Variants in CLCN5 observed in about 807,000 individuals in gnomAD.
The protein encoded by CLCN5 is H(+)/Cl(-) exchange transporter 5.
A neutral mutation model predicts 54.0 loss-of-function variants in CLCN5; 17 were observed. The observed-to-expected ratio is 0.31, with a 90% confidence interval of 0.22 to 0.47. The LOEUF (loss-of-function observed/expected upper bound fraction) is 0.47. CLCN5 is among the 20% of genes least tolerant of loss of function. CLCN5 has a pLI of 1.00. For synonymous variants in CLCN5, 222 were observed against 233.0 expected (o/e 0.95, Z 0.43); for missense variants, 448 against 646.7 (o/e 0.69, Z 3.33).
intron 9 of CLCN5, among the ~76,000 whole-genome samples, chrX:50,084,367 G>T (rs895580313): frequency 3.4e-4 from 37 of 110,199 alleles, no homozygotes; most frequent in African/African-American, 8.3e-4. Context: ...ATTTGAATTG[G>T]TTTTTTTTGT....
At chrX:50,067,104 C>G (rs1291254457) in intron 4 of CLCN5, among the ~76,000 whole-genome samples, 1 of 110,691 alleles carries the variant, frequency 9.0e-6, no homozygotes, top group Non-Finnish European at 1.9e-5. Context: ...TTCCTTGCTT[C>G]TCTTTGAAAT....
At chrX:50,033,262 G>T (rs1931813725) in intron 3 of CLCN5, among the ~76,000 whole-genome samples, 1 of 111,182 alleles carries the variant, frequency 9.0e-6, no homozygotes, top group South Asian at 3.8e-4. Flanking sequence ...TGTATATCTA[G>T]AAAACCCCAT....
intron 3 of CLCN5, among the ~76,000 whole-genome samples, chrX:49,970,405 A>G (rs782412655): frequency 9.0e-6 from 1 of 111,173 alleles, no homozygotes; most frequent in Admixed American, 9.6e-5. Flanking sequence ...GCCCATTAGT[A>G]GTCAATCCCT....
Position 50,042,372 on chromosome X carries a change from T to C in CLCN5, c.73T>C (p.Ser25Pro), listed in dbSNP as rs1193230721. Reference sequence around the variant, plus strand: ...GAGTTTTAGTAGCTTCCAGAACAGCTCCAGTGATGAAGACCTGATGGACAT... The same window carrying C: ...GAGTTTTAGTAGCTTCCAGAACAGCCCCAGTGATGAAGACCTGATGGACAT... ...QGSFSSFQNSSSDEDLMDIPA... is the reference protein window; with the variant it reads ...QGSFSSFQNSPSDEDLMDIPA... The change falls in exon 4 of 15, where the codon TCC becomes CCC. Residue 25 changes from serine to proline, a missense_variant. Physicochemically the swap from Ser to Pro is moderately conservative, Grantham distance 74. Transcript: ENST00000376091. 1 of 1,176,025 alleles carries C rather than the reference T, an allele frequency of 8.5e-7. No individual in the cohort carries two copies. Among genetic ancestry groups the C allele is most frequent in the Non-Finnish European group, 1.1e-6 (1 of 875,957 alleles).
At chrX:49,964,213 G>A (rs1034619160) in intron 3 of CLCN5, among the ~76,000 whole-genome samples, 6 of 112,390 alleles carry the variant, frequency 5.3e-5, no homozygotes, top group African/African-American at 1.9e-4. Context: ...TTTTTGTAAA[G>A]AAACTTCATG....
chrX:50,055,145 A>T (rs782336670), intron 4 of CLCN5, among the ~76,000 whole-genome samples: 4 of 111,916 alleles, frequency 3.6e-5, no homozygotes, highest in Non-Finnish European at 5.6e-5. Context: ...CCAGTAGAAC[A>T]TTCTCAGTTA....
chrX:49,984,113 T>G (rs993995273), intron 3 of CLCN5, among the ~76,000 whole-genome samples: 1 of 111,838 alleles, frequency 8.9e-6, no homozygotes, highest in Non-Finnish European at 1.9e-5. Context: ...CATATCATAT[T>G]TGTGATAATA....
At chrX:50,086,192 G>A (rs781862738) in intron 10 of CLCN5, 132 bp downstream of exon 10, 9 of 882,347 alleles carry the variant, frequency 1.0e-5, no homozygotes, top group Non-Finnish European at 1.5e-5. Context: ...CCCCAACTTG[G>A]TGCTTTACCA....
chrX:50,026,767 T>C (rs1180811977), intron 3 of CLCN5, among the ~76,000 whole-genome samples: 1 of 111,686 alleles, frequency 9.0e-6, no homozygotes, highest in Non-Finnish European at 1.9e-5. Flanking sequence ...CTGCTGTAAT[T>C]CTGTCCTTGC....
At chrX:49,950,878 A>G (rs1252785470) in intron 3 of CLCN5, among the ~76,000 whole-genome samples, 2 of 111,780 alleles carry the variant, frequency 1.8e-5, no homozygotes, top group African/African-American at 6.5e-5. Flanking sequence ...TTTGTGTTAC[A>G]AACAATCCAA....
At position 50,076,034 on chromosome X, in the gene CLCN5, T is replaced by C. The variant is rs1557192105; in HGVS notation, c.603+52T>C. The stretch of plus-strand genomic sequence containing the variant: ...CATTGACTTTTCTTCTTACATTTAT[T>C]TTATTTCTTATACTGTGCTCACAGC... On this transcript the variant is annotated intron_variant, in intron 7 of 14. Coordinates refer to ENST00000376091, the MANE Select transcript of CLCN5 (RefSeq NM_001127898.4). The C allele has an allele frequency of 2.8e-6, 3 of 1,084,359 alleles. No homozygotes were observed. The Admixed American group carries it at 6.7e-5, about 24-fold the overall frequency. The allele number at this position is 1,084,359 out of a possible 1,213,427, so 89.4% of individuals were successfully genotyped here.
chrX:49,942,836 G>A (rs1269648833), intron 3 of CLCN5, among the ~76,000 whole-genome samples: 1 of 108,978 alleles, frequency 9.2e-6, no homozygotes, highest in Non-Finnish European at 1.9e-5. Flanking sequence ...CCAAGTCTTT[G>A]CTATTGTGAA....
Position 50,093,867 on chromosome X carries a change from G to A in CLCN5, c.*1648G>A, listed in dbSNP as rs1322493973. ...GCCATTTCCTTTGCCATGTGGCCCA[G>A]TTGCTGCTGCCATGCCTCCATTTCC... is the stretch of plus-strand genomic sequence containing the variant. On this transcript the variant is annotated 3_prime_UTR_variant, in exon 15 of 15. Coordinates refer to ENST00000376091, the MANE Select transcript of CLCN5 (RefSeq NM_001127898.4). The A allele has an allele frequency of 1.8e-5, 2 of 112,054 alleles. No individual in the cohort carries two copies. The highest frequency in any genetic ancestry group is 3.8e-5 in the Non-Finnish European group (2 of 53,269). The allele number at this position is 112,054 out of a possible 1,213,427, so 9.2% of individuals were successfully genotyped here. A position where few individuals can be genotyped will look rare whatever the true frequency, so the allele number is the denominator to read the frequency against.
At chrX:50,091,074 G>A (rs1934082846) in intron 14 of CLCN5, among the ~76,000 whole-genome samples, 188 bp downstream of exon 14, 1 of 111,964 alleles carries the variant, frequency 8.9e-6, no homozygotes, top group Admixed American at 9.5e-5. Context: ...GTTTGGGAAA[G>A]AACATGTGTT....
intron 12 of CLCN5, 44 bp downstream of exon 12, chrX:50,088,928 A>G (rs368944493): frequency 9.0e-7 from 1 of 1,108,692 alleles, no homozygotes. Flanking sequence ...CCCAGGTGAC[A>G]TACAACAGAA....
chrX:49,972,099 A>G (rs1928243154), intron 3 of CLCN5, among the ~76,000 whole-genome samples: 1 of 97,874 alleles, frequency 1.0e-5, no homozygotes, highest in African/African-American at 3.8e-5. Flanking sequence ...TTGCTTTATC[A>G]TATGCATTCT....
intron 3 of CLCN5, among the ~76,000 whole-genome samples, chrX:49,978,402 A>T (rs782179814): frequency 3.5e-4 from 39 of 112,189 alleles, no homozygotes; most frequent in African/African-American, 1.2e-3. Flanking sequence ...TTGTCCTGAG[A>T]CTTATATGAG....
At chrX:50,056,845 CT>C (rs1932757308) in intron 4 of CLCN5, among the ~76,000 whole-genome samples, 1 of 112,111 alleles carries the variant, frequency 8.9e-6, no homozygotes, top group Non-Finnish European at 1.9e-5. Context: ...CCCAACCTTC[CT>C]GTTTTTTTCT....
In CLCN5 at chrX:49,996,846, C is replaced by T. The variant is rs782720634; in HGVS notation, c.17-45470C>T. 4.9e-4 allele frequency among the ~76,000 whole-genome samples: 55 copies of T among 112,002 alleles called. No homozygotes were observed. The South Asian group carries it at 5.3e-3, about 11-fold the overall frequency. On this transcript the variant is annotated intron_variant, in intron 3 of 14. Transcript: ENST00000376091. The stretch of plus-strand genomic sequence containing the variant: ...TGGCCTTGACCTTATTCACCCTCTT[C>T]TCTCTGTCAGAACTCTCCACTCCAG...
Sources: allele counts gnomAD v4.1 joint callset (sites outside exome capture counted in the v4.1 genomes callset), GRCh38; gene constraint gnomAD v4.1.1; transcripts MANE v1.5; gene names NCBI Gene and HGNC (gene_info 2026-07-23, HGNC 2026-07-21).